Variants in MYO16 observed in about 807,000 individuals in gnomAD.
MYO16 encodes unconventional myosin-XVI.
A neutral mutation model predicts 205.3 loss-of-function variants in MYO16; 94 were observed. The ratio of observed to expected loss-of-function variants is 0.46; its 90% CI spans 0.39 to 0.54. The LOEUF is 0.54. Among genes scored for constraint, MYO16 ranks in the 20% least tolerant of loss-of-function variants. The pLI, the probability that MYO16 is intolerant of heterozygous loss-of-function variation, is 0.00. For synonymous variants in MYO16, 988 were observed against 954.0 expected (o/e 1.04, Z -0.66); for missense variants, 2,315 against 2,387.5 (o/e 0.97, Z 0.63).
Position 109,207,094 on chromosome 13 carries a change from C to T in MYO16, c.*258C>T. ...TCCTCATTTACGGCTCTGTGCTACC[C>T]CTAGGTAGCAAGAGAGAGGCTGGGA... On this transcript the variant is annotated 3_prime_UTR_variant, in exon 35 of 35. Coordinates refer to ENST00000457511, the MANE Select transcript of MYO16 (RefSeq NM_001198950.3). The T allele has an allele frequency of 2.3e-6, 1 of 439,766 alleles. No individual in the cohort carries two copies. The highest frequency in any genetic ancestry group is 3.7e-5 in the Admixed American group (1 of 27,060). The allele number at this position is 439,766 out of a possible 1,614,324, so 27.2% of individuals were successfully genotyped here. A position where few individuals can be genotyped will look rare whatever the true frequency, so the allele number is the denominator to read the frequency against.
chr13:108,683,804 C>T (rs1882561990), intron 2 of MYO16, among the ~76,000 whole-genome samples: 1 of 152,162 alleles, frequency 6.6e-6, no homozygotes, highest in Non-Finnish European at 1.5e-5. Flanking sequence ...CCCTGAACTT[C>T]TTTTTTGAGT....
In MYO16 at chr13:108,662,458, T is replaced by C. The variant is rs866524456; in HGVS notation, c.29-3428T>C. On this transcript the variant is annotated intron_variant, in intron 1 of 34. Coordinates refer to ENST00000457511, the MANE Select transcript of MYO16 (RefSeq NM_001198950.3). ...GACTCTCCTTGGTTGGGTCTTGCTG[T>C]GGCTGCTTTGGGGGATGGTGGTGAG... 5.9e-5 allele frequency among the ~76,000 whole-genome samples: 9 copies of C among 152,152 alleles called. No homozygotes were observed. In the South Asian group the frequency reaches 1.0e-3, roughly 18 times the overall value.
intron 1 of MYO16, among the ~76,000 whole-genome samples, chr13:108,621,784 G>A (rs112212353): frequency 2.0e-5 from 3 of 152,170 alleles, no homozygotes; most frequent in African/African-American, 7.2e-5. Flanking sequence ...ACAAGAAGAA[G>A]AGTGAGTACA....
At chr13:108,573,974 C>T in the MYO16 span, among the ~76,000 whole-genome samples, 1 of 152,228 alleles carries the variant, frequency 6.6e-6, no homozygotes, top group African/African-American at 2.4e-5. Context: ...CCTCAGCCTC[C>T]CAAGTAGCTG....
chr13:108,781,919 G>A (rs1047505971), intron 4 of MYO16, among the ~76,000 whole-genome samples: 6 of 152,078 alleles, frequency 3.9e-5, no homozygotes, highest in South Asian at 2.1e-4. Flanking sequence ...TGATTCTGAC[G>A]CCTCCCCAGC....
rs139336707 is a variant in MYO16 at position 108,617,893 on chromosome 13, T to A, written c.-39+21654T>A. ...TTTCCCTTACACCATCCCCTTCCTT[T>A]TCCACTCTGCTTCTTCTTCCTCCAC... On this transcript the variant is annotated intron_variant, in intron 1 of 24. Transcript: ENST00000251041. 6.7e-3 allele frequency among the ~76,000 whole-genome samples: 1,016 copies of A among 152,262 alleles called. 5 individuals are homozygous for A. Among genetic ancestry groups the A allele is most frequent in the African/African-American group, 0.022 (913 of 41,550 alleles).
At chr13:109,185,006 C>T (rs998447082) in intron 34 of MYO16, among the ~76,000 whole-genome samples, 1 of 152,120 alleles carries the variant, frequency 6.6e-6, no homozygotes, top group African/African-American at 2.4e-5. Context: ...AACTCCTGAC[C>T]TCAAATGATT....
chr13:109,100,156 T>A (rs902081828), intron 27 of MYO16, among the ~76,000 whole-genome samples: 1 of 152,248 alleles, frequency 6.6e-6, no homozygotes, highest in African/African-American at 2.4e-5. Flanking sequence ...AAATGGATGA[T>A]GTAATTTTAA....
chr13:109,108,675 G>A (rs1386911919), intron 28 of MYO16, among the ~76,000 whole-genome samples: 1 of 152,204 alleles, frequency 6.6e-6, no homozygotes, highest in East Asian at 1.9e-4. Context: ...GGATCCAGGT[G>A]CAAAGAGAGC....
At chr13:108,501,379 G>A in the MYO16 span, among the ~76,000 whole-genome samples, 4 of 152,044 alleles carry the variant, frequency 2.6e-5, no homozygotes, top group Admixed American at 1.3e-4. Context: ...CTCCTCTGCC[G>A]GTAACCCCGG....
intron 20 of MYO16, among the ~76,000 whole-genome samples, chr13:108,973,004 C>G (rs1884114090): frequency 6.6e-6 from 1 of 151,908 alleles, no homozygotes; most frequent in Non-Finnish European, 1.5e-5. Context: ...GACAGGTGCT[C>G]TGTAGAGATG....
intron 2 of MYO16, among the ~76,000 whole-genome samples, chr13:108,710,503 G>A (rs906509920): frequency 3.3e-5 from 5 of 152,162 alleles, no homozygotes; most frequent in Non-Finnish European, 7.3e-5. Context: ...TTATTATGGG[G>A]TTTTATTGCA....
chr13:108,529,285 T>TG, the MYO16 span, among the ~76,000 whole-genome samples: 1 of 152,186 alleles, frequency 6.6e-6, no homozygotes, highest in African/African-American at 2.4e-5. Context: ...TAGAGTTACG[T>TG]GCACCCTTTT....
At chr13:109,116,366 G>A (rs1435541691) in intron 28 of MYO16, among the ~76,000 whole-genome samples, 1 of 152,066 alleles carries the variant, frequency 6.6e-6, no homozygotes, top group Non-Finnish European at 1.5e-5. Flanking sequence ...GGGGATTGGA[G>A]GACAGATCCA....
chr13:109,095,487 T>G (rs1260277976), intron 27 of MYO16, among the ~76,000 whole-genome samples: 1 of 152,222 alleles, frequency 6.6e-6, no homozygotes, highest in East Asian at 1.9e-4. Context: ...AAAGACAAGA[T>G]GTTTTACATA....
chr13:108,763,026 A>ATTCAT (rs1318738209), intron 4 of MYO16, among the ~76,000 whole-genome samples: 1 of 152,204 alleles, frequency 6.6e-6, no homozygotes, highest in Non-Finnish European at 1.5e-5. Context: ...TTTCTCTCAA[A>ATTCAT]TTCAGGACAA....
Position 108,778,596 on chromosome 13 carries a change from G to A in MYO16, c.508-7039G>A, listed in dbSNP as rs552897624. On this transcript the variant is annotated intron_variant, in intron 4 of 34. Coordinates refer to ENST00000457511, the MANE Select transcript of MYO16 (RefSeq NM_001198950.3). ...ATCGCGCCACTGCACTCCAGCCTGA[G>A]TGACAGGGCGAGACTCCATCTAAAA... 2.2e-3 allele frequency among the ~76,000 whole-genome samples: 331 copies of A among 151,240 alleles called. 1 individual carries two copies. Among genetic ancestry groups the A allele is most frequent in the Middle Eastern group, 6.8e-3 (2 of 294 alleles).
intron 2 of MYO16, among the ~76,000 whole-genome samples, chr13:108,703,985 T>G (rs1213266594): frequency 6.6e-6 from 1 of 152,182 alleles, no homozygotes; most frequent in Non-Finnish European, 1.5e-5. Context: ...ACACGCACAG[T>G]GTGTGCCATC....
chr13:108,603,785 T>C (rs556228821), intron 1 of MYO16, among the ~76,000 whole-genome samples: 2 of 152,330 alleles, frequency 1.3e-5, no homozygotes, highest in East Asian at 3.9e-4. Context: ...TATTTGCCTG[T>C]CTCTCAGTCA....
Sources: gnomAD v4.1 joint callset for allele counts (sites outside exome capture counted in the v4.1 genomes callset) on GRCh38, gnomAD v4.1.1 for gene constraint, MANE v1.5 for transcripts, NCBI Gene and HGNC (gene_info 2026-07-23, HGNC 2026-07-21) for gene names.